Variants in CFAP251 observed in about 807,000 individuals in gnomAD.
CFAP251 encodes the protein cilia and flagella associated protein 251.
CFAP251 carries 93 observed loss-of-function variants against 126.7 expected under a neutral mutation model. The ratio of observed to expected loss-of-function variants is 0.73; its 90% CI spans 0.62 to 0.87. CFAP251 has a LOEUF of 0.87. Among genes scored for constraint, CFAP251 ranks in the 40% least tolerant of loss-of-function variants. The pLI is 0.00. For missense variants in CFAP251, 1,287 were observed against 1,389.2 expected (o/e 0.93, Z 1.17); for synonymous variants, 503 against 506.9 (o/e 0.99, Z 0.10).
intron 3 of CFAP251, among the ~76,000 whole-genome samples, chr12:121,928,819 C>T (rs1156614230): frequency 4.6e-5 from 7 of 151,442 alleles, no homozygotes; most frequent in Non-Finnish European, 5.9e-5. Flanking sequence ...GCTTCAGCCT[C>T]CTGAGTAGAT....
chr12:121,985,481 C>T (rs1372404889), intron 19 of CFAP251, among the ~76,000 whole-genome samples: 9 of 141,254 alleles, frequency 6.4e-5, no homozygotes, highest in Non-Finnish European at 1.2e-4. Flanking sequence ...TTGCAGTGAG[C>T]TGAAATGGTG....
intron 17 of CFAP251, among the ~76,000 whole-genome samples, chr12:121,970,838 A>C (rs1882306758): frequency 6.6e-6 from 1 of 152,184 alleles, no homozygotes; most frequent in African/African-American, 2.4e-5. Context: ...TTCCTTACTC[A>C]GCAGGAAGAT....
chr12:121,941,208 T>C (rs1881099152), intron 5 of CFAP251, among the ~76,000 whole-genome samples: 1 of 151,890 alleles, frequency 6.6e-6, no homozygotes, highest in East Asian at 1.9e-4. Flanking sequence ...TTTTTTGTAT[T>C]TTTAGTAGAG....
chr12:121,920,017 A>G (rs1880092133), intron 1 of CFAP251, among the ~76,000 whole-genome samples: 1 of 151,960 alleles, frequency 6.6e-6, no homozygotes, highest in East Asian at 2.0e-4. Flanking sequence ...CCCTGCCTCC[A>G]TTGAAAAAAT....
chr12:121,920,259 G>A (rs1182524289), intron 1 of CFAP251, among the ~76,000 whole-genome samples: 26 of 115,630 alleles, frequency 2.2e-4, no homozygotes, highest in African/African-American at 8.4e-4. Context: ...AGAGGGTCTC[G>A]CTCTGTTGCC....
chr12:121,980,753 C>T (rs538007291), intron 19 of CFAP251, among the ~76,000 whole-genome samples: 4 of 152,356 alleles, frequency 2.6e-5, no homozygotes, highest in African/African-American at 7.2e-5. Flanking sequence ...TCTGCTTCTT[C>T]TGTTTTTAGT....
At chr12:121,998,717 C>T (rs565443079) in intron 19 of CFAP251, 84 of 126,332 alleles carry the variant, frequency 6.6e-4, no homozygotes, top group African/African-American at 1.8e-3. Flanking sequence ...GGTGAAACCC[C>T]GTCTCTAAAA....
chr12:121,933,288 A>G (rs1880762481), intron 4 of CFAP251: 1 of 152,386 alleles, frequency 6.6e-6, no homozygotes, highest in Non-Finnish European at 1.5e-5. Flanking sequence ...GAGGATGCGA[A>G]TGAGCCAGCC....
intron 19 of CFAP251, among the ~76,000 whole-genome samples, chr12:121,979,532 C>T (rs2135802952): frequency 6.9e-6 from 1 of 145,230 alleles, no homozygotes; most frequent in South Asian, 2.2e-4. Context: ...GCTCAACACA[C>T]TGAGTGAGAT....
chr12:121,997,438 C>G (rs1883045524), intron 19 of CFAP251: 1 of 149,948 alleles, frequency 6.7e-6, no homozygotes, highest in Admixed American at 6.6e-5. Context: ...CATGATGGCT[C>G]ACTCCTGCAT....
rs1246292502 is a variant in CFAP251, at chr12:121,923,915, C to T, written c.672C>T (p.Ser224=). 1 of 1,614,050 alleles carries T rather than the reference C, an allele frequency of 6.2e-7. No homozygotes were observed. The highest frequency in any genetic ancestry group is 1.7e-5 in the Admixed American group (1 of 59,990). Residue 224 remains serine, a synonymous_variant, in exon 3 of 22, where the codon TCC becomes TCT. Transcript: ENST00000288912. ...VSDIQSKAGI[S]RESLVSSTTE... is the part of the protein sequence containing the mutation. ...ACATCCAGTCCAAAGCAGGGATCTC[C>T]CGGGAGTCACTGGTGTCCAGCACCA...
chr12:121,963,412 C>G (rs1003614062), intron 15 of CFAP251, among the ~76,000 whole-genome samples: 3 of 151,744 alleles, frequency 2.0e-5, no homozygotes, highest in African/African-American at 7.3e-5. Context: ...CAGGTGGGAA[C>G]CCACGAATCA....
intron 7 of CFAP251, among the ~76,000 whole-genome samples, chr12:121,944,487 TCA>T (rs1881242071): frequency 6.6e-6 from 1 of 152,258 alleles, no homozygotes; most frequent in Non-Finnish European, 1.5e-5. Context: ...ATCATCATTT[TCA>T]CAGTGTTGTC....
chr12:121,958,563 C>T, intron 12 of CFAP251, 41 bp downstream of exon 12: 1 of 1,610,412 alleles, frequency 6.2e-7, no homozygotes, highest in Non-Finnish European at 8.5e-7. Context: ...TCCACATGGA[C>T]AGCCCTGAAA....
At chr12:121,948,610 C>A in intron 7 of CFAP251, 1 of 163,466 alleles carries the variant, frequency 6.1e-6, no homozygotes. Context: ...GTCCCAACTA[C>A]TCAGGAGGCT....
chr12:121,987,646 C>T lies in CFAP251; in HGVS notation c.3006+11961C>T, dbSNP rs139940540. 2.2e-3 allele frequency among the ~76,000 whole-genome samples: 326 copies of T among 147,150 alleles called. 4 individuals are homozygous for T. The East Asian group carries it at 0.036, about 16-fold the overall frequency. ...AGGAGAATCGCTTGAACCCGGGAGG[C>T]GGAGGTTGCAGTGAGCTAAGATGGC... On this transcript the variant is annotated intron_variant, in intron 19 of 21. Transcript: ENST00000288912.
Position 121,942,877 on chromosome 12 carries a change from C to T in CFAP251, c.1111-18C>T. On this transcript the variant is annotated intron_variant, in intron 6 of 21. Transcript: ENST00000288912. ...TTCACAGACCTTCTCATGCCCCTCT[C>T]TCTACTGTCACCTACAGAAGGTATG... 6.2e-7 allele frequency: 1 copy of T among 1,613,948 alleles called. No individual in the cohort carries two copies. The highest frequency in any genetic ancestry group is 8.5e-7 in the Non-Finnish European group (1 of 1,179,794).
rs753085705 is a variant in CFAP251, at chr12:121,923,830, A to G, written c.587A>G (p.Gln196Arg). 5.0e-6 allele frequency: 8 copies of G among 1,614,084 alleles called. No homozygotes were observed. Among genetic ancestry groups the G allele is most frequent in the Admixed American group, 1.7e-5 (1 of 60,002 alleles). ...CGGATGCCCCAAGATGAACTGGGAC[A>G]AGAAAGAAGGGACTTGGAGCCAGAA... ...TDRMPQDELG[Q>R]ERRDLEPENR... Residue 196 changes from glutamine to arginine, a missense_variant, in exon 3 of 22, where the codon CAA becomes CGA. Transcript: ENST00000288912.
chr12:121,944,322 C>T (rs573856365), intron 7 of CFAP251, among the ~76,000 whole-genome samples: 4 of 152,262 alleles, frequency 2.6e-5, no homozygotes, highest in East Asian at 1.9e-4. Context: ...ATTCCTCTTG[C>T]TCCTAAAAAA....
Sources: gnomAD v4.1 joint callset for allele counts (sites outside exome capture counted in the v4.1 genomes callset) on GRCh38, gnomAD v4.1.1 for gene constraint, MANE v1.5 for transcripts, NCBI Gene and HGNC (gene_info 2026-07-23, HGNC 2026-07-21) for gene names.